The following SBF2 variants were observed in gnomAD, a reference collection of about 807,000 sequenced individuals.
SBF2 encodes the protein myotubularin-related protein 13.
SBF2 carries 112 observed loss-of-function variants against 225.2 expected under a neutral mutation model. That is an observed-to-expected ratio of 0.50 (90% CI 0.43 to 0.58). SBF2 has a LOEUF of 0.58. Among genes scored for constraint, SBF2 ranks in the 20% least tolerant of loss-of-function variants. SBF2 has a pLI of 0.00. For synonymous variants in SBF2, 763 were observed against 773.3 expected, an observed-to-expected ratio of 0.99 and a Z score of 0.22; for missense variants, 1,996 against 2,206.2, an observed-to-expected ratio of 0.90 and a Z score of 1.91.
chr11:10,292,540 G>A (rs1964226175), intron 1 of SBF2, among the ~76,000 whole-genome samples: 1 of 151,976 alleles, frequency 6.6e-6, no homozygotes, highest in South Asian at 2.1e-4. Context: ...ATTAGCGGGC[G>A]TGTTGGCGGG....
At chr11:10,115,862 C>T (rs1396973896) in intron 2 of SBF2, among the ~76,000 whole-genome samples, 2 of 152,112 alleles carry the variant, frequency 1.3e-5, no homozygotes, top group South Asian at 2.1e-4. Context: ...CACAATTGTA[C>T]ATATAAAATA....
At chr11:9,986,553 A>G (rs1164141651) in intron 13 of SBF2, among the ~76,000 whole-genome samples, 9 of 151,750 alleles carry the variant, frequency 5.9e-5, no homozygotes, top group Admixed American at 1.3e-4. Flanking sequence ...AACCAAGAAA[A>G]GAAGACAGAA....
chr11:9,970,099 T>TA (rs1867227361), intron 13 of SBF2, among the ~76,000 whole-genome samples: 1 of 152,232 alleles, frequency 6.6e-6, no homozygotes, highest in African/African-American at 2.4e-5. Flanking sequence ...GCTTTACAAC[T>TA]ATTCTTGACC....
chr11:10,057,952 TA>T (rs1373699619), intron 2 of SBF2, among the ~76,000 whole-genome samples: 3 of 151,988 alleles, frequency 2.0e-5, no homozygotes, highest in Non-Finnish European at 4.4e-5. Context: ...CAGCTTCAAA[TA>T]AAGACCCTAC....
chr11:9,967,282 G>A (rs1866975146), intron 14 of SBF2, among the ~76,000 whole-genome samples: 2 of 151,730 alleles, frequency 1.3e-5, no homozygotes, highest in Non-Finnish European at 2.9e-5. Flanking sequence ...TGAGGCAGGA[G>A]AACGGTGTGA....
intron 17 of SBF2, among the ~76,000 whole-genome samples, chr11:9,863,240 C>A (rs360162): frequency 0.07 from 10,663 of 152,166 alleles, 580 homozygotes; most frequent in East Asian, 0.28. Context: ...ATAAAGGATG[C>A]AAATCATCTG....
intron 17 of SBF2, among the ~76,000 whole-genome samples, chr11:9,866,716 A>G (rs1317782651): frequency 6.6e-6 from 1 of 152,244 alleles, no homozygotes; most frequent in East Asian, 1.9e-4. Context: ...AACAAAAGCA[A>G]AAATAGACAA....
intron 16 of SBF2, among the ~76,000 whole-genome samples, chr11:9,953,655 C>T (rs1267920776): frequency 2.0e-5 from 3 of 152,080 alleles, no homozygotes; most frequent in Non-Finnish European, 4.4e-5. Flanking sequence ...TTATAGAGGC[C>T]AAGGGTGTAC....
At chr11:10,200,313 T>C (rs1369950681) in intron 1 of SBF2, among the ~76,000 whole-genome samples, 1 of 152,186 alleles carries the variant, frequency 6.6e-6, no homozygotes, top group Non-Finnish European at 1.5e-5. Flanking sequence ...GTAAAATATA[T>C]ACCAGTATGA....
intron 2 of SBF2, among the ~76,000 whole-genome samples, chr11:10,180,859 T>C (rs1038094776): frequency 3.9e-5 from 6 of 152,272 alleles, no homozygotes; most frequent in Middle Eastern, 3.4e-3. Context: ...CTTAGCTTTA[T>C]TGAAATCTTT....
At chr11:10,038,779 G>A (rs980942285) in intron 3 of SBF2, among the ~76,000 whole-genome samples, 15 of 151,650 alleles carry the variant, frequency 9.9e-5, no homozygotes, top group Non-Finnish European at 1.9e-4. Context: ...TGTTCTCACT[G>A]AGAACTGCAT....
chr11:10,125,722 GT>G (rs1953717237), intron 2 of SBF2, among the ~76,000 whole-genome samples: 1 of 152,170 alleles, frequency 6.6e-6, no homozygotes. Context: ...GATTTCCCCA[GT>G]GTTTCCACTA....
At chr11:10,139,010 T>C (rs1405225856) in intron 2 of SBF2, among the ~76,000 whole-genome samples, 5 of 152,120 alleles carry the variant, frequency 3.3e-5, no homozygotes, top group Non-Finnish European at 7.4e-5. Context: ...CAAATGTGAC[T>C]ATGGAAAACC....
chr11:10,262,387 T>C (rs185941335), intron 1 of SBF2, among the ~76,000 whole-genome samples: 114 of 152,296 alleles, frequency 7.5e-4, no homozygotes, highest in Non-Finnish European at 1.2e-3. Flanking sequence ...AAAAAAAGCC[T>C]CATCCAATCC....
chr11:10,249,909 C>G (rs1960188859), intron 1 of SBF2, among the ~76,000 whole-genome samples: 1 of 151,032 alleles, frequency 6.6e-6, no homozygotes, highest in South Asian at 2.1e-4. Context: ...TATGGAATCC[C>G]TGAAGCATCT....
At chr11:9,906,210 A>T (rs1015347242) in intron 16 of SBF2, among the ~76,000 whole-genome samples, 7 of 152,236 alleles carry the variant, frequency 4.6e-5, no homozygotes, top group African/African-American at 1.4e-4. Context: ...AAGGCAATAA[A>T]GTTCAACAGA....
At chr11:10,119,970 C>T (rs1565251229) in intron 2 of SBF2, among the ~76,000 whole-genome samples, 2 of 152,152 alleles carry the variant, frequency 1.3e-5, no homozygotes, top group Non-Finnish European at 2.9e-5. Context: ...TTTATCATCT[C>T]ATCCATTGGT....
chr11:10,290,687 T>G (rs1591375622), intron 1 of SBF2, among the ~76,000 whole-genome samples: 1 of 151,952 alleles, frequency 6.6e-6, no homozygotes, highest in East Asian at 1.9e-4. Flanking sequence ...CGTTACAATA[T>G]GAAAAAGGAG....
chr11:10,029,724 G>C lies in SBF2; in HGVS notation c.513+41C>G, dbSNP rs760698267. 9.1e-6 allele frequency: 11 copies of C among 1,214,770 alleles called. No individual in the cohort carries two copies. In the African/African-American group the frequency reaches 1.5e-4, roughly 16 times the overall value. 75.2% of individuals were successfully genotyped at this position (1,214,770 alleles called of 1,614,324 possible). ...TTAAATTAACTGGAGGAGAGGGGAA[G>C]AGGAACAATCCTTCTCCACCTCTCT... On this transcript the variant is annotated intron_variant, in intron 5 of 39. Coordinates refer to ENST00000256190, the MANE Select transcript of SBF2 (RefSeq NM_030962.4).
Sources: gnomAD v4.1 joint callset for allele counts (sites outside exome capture counted in the v4.1 genomes callset) on GRCh38, gnomAD v4.1.1 for gene constraint, MANE v1.5 for transcripts, NCBI Gene and HGNC (gene_info 2026-07-23, HGNC 2026-07-21) for gene names.